REV3L: variants seen among roughly 807,000 people sequenced by gnomAD.
REV3L encodes the protein REV3 like, DNA directed polymerase zeta catalytic subunit.
In REV3L, 69 loss-of-function variants were observed where a neutral mutation model predicts 299.4. The ratio of observed to expected loss-of-function variants is 0.23; its 90% CI spans 0.19 to 0.28. The LOEUF is 0.28. Ranked by LOEUF, REV3L falls within the 10% of genes least tolerant of loss-of-function variation. REV3L has a pLI of 1.00. For synonymous variants in REV3L, 1,238 were observed against 1,271.4 expected (o/e 0.97, Z 0.56); for missense variants, 3,128 against 3,693.8 (o/e 0.85, Z 3.97).
intron 1 of REV3L, among the ~76,000 whole-genome samples, chr6:111,461,064 A>G (rs1281233784): frequency 6.6e-6 from 1 of 152,150 alleles, no homozygotes; most frequent in African/African-American, 2.4e-5. Flanking sequence ...TATATACTTT[A>G]TCATTATTTT....
chr6:111,424,783 A>G (rs1188683666), intron 1 of REV3L, among the ~76,000 whole-genome samples: 1 of 152,228 alleles, frequency 6.6e-6, no homozygotes, highest in African/African-American at 2.4e-5. Context: ...CACTATGTGA[A>G]GAGCCCTATA....
Position 111,376,422 on chromosome 6 carries a change from T to G in REV3L, c.1933A>C (p.Ser645Arg), listed in dbSNP as rs756149830. Residue 645 changes from serine (S) to arginine (R), a missense_variant, in exon 13 of 32, where the codon AGT becomes CGT. Transcript: ENST00000368802. ...GATACTGGGAGGATCTCTTTCTTAC[T>G]ATTCTCTTTATGAGAATTTTCTGAA... Reference protein sequence around the residue: ...VHSENSHKENSKKEILPVSSC... With the variant: ...VHSENSHKENRKKEILPVSSC... The G allele has an allele frequency of 8.1e-6, 13 of 1,613,518 alleles. No individual in the cohort carries two copies. The highest frequency in any genetic ancestry group is 1.7e-5 in the Admixed American group (1 of 60,010).
intron 1 of REV3L, among the ~76,000 whole-genome samples, chr6:111,456,626 T>C (rs1353609127): frequency 6.6e-6 from 1 of 152,168 alleles, no homozygotes; most frequent in Non-Finnish European, 1.5e-5. Flanking sequence ...GAGATCACAT[T>C]TAAAAATGCA....
chr6:111,460,824 A>G (rs1388015577), intron 1 of REV3L, among the ~76,000 whole-genome samples: 3 of 152,136 alleles, frequency 2.0e-5, no homozygotes, highest in Admixed American at 2.0e-4. Context: ...TCGACAAGGG[A>G]CCACATATAT....
rs372483131 is a variant in REV3L at position 111,479,677 on chromosome 6, T to TTTTG, written c.139+3069_139+3072dup. Among the ~76,000 whole-genome samples, 39 of 152,118 alleles carry TTTTG rather than the reference T, an allele frequency of 2.6e-4. No individual in the cohort carries two copies. In the East Asian group the frequency reaches 3.9e-3, roughly 15 times the overall value. ...GGTGCACACCACCACGCCCAGCCAA[T>TTTTG]TTTGTTTGTTTGTTTGTTTGTTTTG... On this transcript the variant is annotated intron_variant, in intron 1 of 31. Coordinates refer to ENST00000368802, the MANE Select transcript of REV3L (RefSeq NM_001372078.1).
intron 4 of REV3L, among the ~76,000 whole-genome samples, chr6:111,399,763 A>G (rs1210731409): frequency 7.4e-6 from 1 of 135,606 alleles, no homozygotes; most frequent in Non-Finnish European, 1.7e-5. Context: ...CCCACATGAC[A>G]TAATAACTGG....
At chr6:111,399,183 A>G (rs1373205066) in intron 4 of REV3L, among the ~76,000 whole-genome samples, 1 of 152,228 alleles carries the variant, frequency 6.6e-6, no homozygotes, top group Non-Finnish European at 1.5e-5. Flanking sequence ...TATCTAATGT[A>G]TATACTCTAG....
At chr6:111,313,522 A>T in intron 27 of REV3L, 33 bp from the exon 28 acceptor site, 2 of 1,572,012 alleles carry the variant, frequency 1.3e-6, no homozygotes, top group Non-Finnish European at 8.6e-7. Flanking sequence ...CCTCTTAAAA[A>T]CCATTTCCCC....
chr6:111,313,240 T>G, intron 28 of REV3L, 112 bp downstream of exon 28: 1 of 860,354 alleles, frequency 1.2e-6, no homozygotes, highest in Non-Finnish European at 1.7e-6. Context: ...TTATATTAAT[T>G]ATATAGGCTA....
chr6:111,476,961 TATCTGTAAAAA>T (rs1793016990), intron 1 of REV3L, among the ~76,000 whole-genome samples: 1 of 152,214 alleles, frequency 6.6e-6, no homozygotes, highest in Admixed American at 6.5e-5. Flanking sequence ...CAGCACATGT[TATCTGTAAAAA>T]ATCTGAAAAT....
Position 111,367,245 on chromosome 6 carries a change from C to T in REV3L, c.6543G>A (p.Val2181=). 1 of 1,614,092 alleles carries T rather than the reference C, an allele frequency of 6.2e-7. No individual in the cohort carries two copies. Among genetic ancestry groups the T allele is most frequent in the South Asian group, 1.1e-5 (1 of 91,066 alleles). The part of the protein sequence containing the change: ...SPCSEPQEPL[V]ISPINTRART... ...TTGCCCTAGTATTAATTGGAGATATCACTAGAGGCTCTTGAGGCTCACTGC... is the reference window on the plus strand; with the variant it reads ...TTGCCCTAGTATTAATTGGAGATATTACTAGAGGCTCTTGAGGCTCACTGC... The change falls in exon 14 of 32, where the codon GTG becomes GTA. Residue 2181 remains valine (V), a synonymous_variant. Coordinates refer to ENST00000368802, the MANE Select transcript of REV3L (RefSeq NM_001372078.1).
chr6:111,380,426 A>C (rs1300402911), intron 10 of REV3L, among the ~76,000 whole-genome samples: 1 of 151,856 alleles, frequency 6.6e-6, no homozygotes, highest in African/African-American at 2.4e-5. Flanking sequence ...CACCTGGTTA[A>C]TTTTTTGTAT....
chr6:111,380,380 C>T (rs1780709794), intron 10 of REV3L, among the ~76,000 whole-genome samples, 161 bp from the exon 11 acceptor site: 3 of 152,098 alleles, frequency 2.0e-5, no homozygotes, highest in African/African-American at 7.2e-5. Context: ...CTGCCTCAGC[C>T]TCCCGAGTAG....
At chr6:111,451,846 G>A (rs201698281) in intron 1 of REV3L, among the ~76,000 whole-genome samples, 60 of 132,010 alleles carry the variant, frequency 4.5e-4, no homozygotes, top group African/African-American at 4.9e-4. Context: ...ATCACGAAAG[G>A]AAAAAAAAAA....
chr6:111,319,860 G>A (rs1375212098), intron 26 of REV3L, among the ~76,000 whole-genome samples: 1 of 149,530 alleles, frequency 6.7e-6, no homozygotes, highest in Admixed American at 6.7e-5. Flanking sequence ...ATGGAGTTTT[G>A]CTCTTGTTGC....
rs745764669 is a variant in REV3L, at chr6:111,372,763, T to C, written c.5592A>G (p.Gln1864=). The C allele has an allele frequency of 5.0e-6, 8 of 1,612,632 alleles. No individual in the cohort carries two copies. Among genetic ancestry groups the C allele is most frequent in the East Asian group, 2.2e-5 (1 of 44,882 alleles). Residue 1864 remains glutamine, a synonymous_variant, in exon 13 of 32, where the codon CAA becomes CAG. Transcript: ENST00000368802. Reference sequence around the variant, plus strand: ...GAGGGGTGAAGCTGCCATTTTTAGATTGTGAAGGAGAGCTAGTAGATCTTG... The same window carrying C: ...GAGGGGTGAAGCTGCCATTTTTAGACTGTGAAGGAGAGCTAGTAGATCTTG... ...SSPRSTSSPS[Q]SKNGSFTPRT...
At chr6:111,330,696 G>A (rs1308942230) in intron 24 of REV3L, among the ~76,000 whole-genome samples, 1 of 152,098 alleles carries the variant, frequency 6.6e-6, no homozygotes, top group African/African-American at 2.4e-5. Context: ...CAGCCATAAT[G>A]TTTTAAGACA....
At chr6:111,357,340 A>C (rs1365893650) in intron 17 of REV3L, among the ~76,000 whole-genome samples, 1 of 152,218 alleles carries the variant, frequency 6.6e-6, no homozygotes, top group African/African-American at 2.4e-5. Context: ...TGAAAATTCA[A>C]ATTTTGTATT....
In REV3L at chr6:111,311,132, T is replaced by C. The variant is rs745499512; in HGVS notation, c.8732A>G (p.Lys2911Arg). 7.4e-6 allele frequency: 12 copies of C among 1,613,998 alleles called. No individual in the cohort carries two copies. The highest frequency in any genetic ancestry group is 1.1e-5 in the South Asian group (1 of 91,072). ...KASIQDFIFA[K>R]EYRGSFSYKP... is the part of the protein sequence containing the mutation. ...ATAAGAAAAACTTCCTCTGTATTCC[T>C]TGGCAAAGATAAAGTCTTGTATGCT... is the stretch of plus-strand genomic sequence containing the variant. Residue 2911 changes from lysine (K) to arginine (R), a missense_variant, in exon 29 of 32, where the codon AAG (lysine) becomes AGG (arginine). By Grantham distance (26) the Lys-to-Arg change is conservative (BLOSUM62 2). This residue lies in a region of REV3L where 294 missense variants were observed against 377.0 expected (regional missense o/e 0.78). Coordinates refer to ENST00000368802, the MANE Select transcript of REV3L (RefSeq NM_001372078.1).
Sources: allele counts gnomAD v4.1 joint callset (sites outside exome capture counted in the v4.1 genomes callset), GRCh38; gene constraint gnomAD v4.1.1; regional missense constraint gnomAD v4.1.1; transcripts MANE v1.5; gene names NCBI Gene and HGNC (gene_info 2026-07-23, HGNC 2026-07-21).